Variants in TP63 observed in about 807,000 individuals in gnomAD.
TP63 encodes tumor protein p63.
Under a neutral mutation model 82.8 loss-of-function variants are expected in TP63, and 17 were observed. That is an observed-to-expected ratio of 0.21 (90% confidence interval 0.14 to 0.31). The LOEUF (loss-of-function observed/expected upper bound fraction) is 0.31. Among genes scored for constraint, TP63 ranks in the 10% least tolerant of loss-of-function variants. TP63 has a pLI of 1.00. For missense variants in TP63, 648 were observed against 895.3 expected (o/e 0.72, Z 3.52); for synonymous variants, 330 against 321.7 (o/e 1.03, Z -0.28).
At chr3:189,680,458 T>C (rs1486541641) in intron 1 of TP63, among the ~76,000 whole-genome samples, 10 of 152,156 alleles carry the variant, frequency 6.6e-5, no homozygotes, top group Admixed American at 3.9e-4. Flanking sequence ...ATTCCACTGA[T>C]ACTAAATCCG....
intron 1 of TP63, among the ~76,000 whole-genome samples, chr3:189,727,333 T>C (rs1429998360): frequency 6.6e-6 from 1 of 152,244 alleles, no homozygotes; most frequent in African/African-American, 2.4e-5. Flanking sequence ...TTGGATTATT[T>C]TCTGCATGAA....
At chr3:189,883,192 A>T (rs374185656) in intron 10 of TP63, among the ~76,000 whole-genome samples, 42 of 97,388 alleles carry the variant, frequency 4.3e-4, no homozygotes, top group African/African-American at 1.3e-3. Context: ...AATTTTTTTT[A>T]AAAAAGGTTG....
chr3:189,710,407 G>A (rs768338724), intron 1 of TP63, among the ~76,000 whole-genome samples: 4 of 151,980 alleles, frequency 2.6e-5, no homozygotes, highest in Non-Finnish European at 5.9e-5. Context: ...TTCCTGCTTT[G>A]GAAACATGTT....
At chr3:189,779,145 C>A (rs377186540) in intron 3 of TP63, among the ~76,000 whole-genome samples, 1 of 152,172 alleles carries the variant, frequency 6.6e-6, no homozygotes, top group East Asian at 1.9e-4. Context: ...TTTTAAGCAA[C>A]ATATATATTA....
chr3:189,889,211 G>A (rs1274051791), intron 11 of TP63, 129 bp from the exon 12 acceptor site: 1 of 1,334,336 alleles, frequency 7.5e-7, no homozygotes, highest in African/African-American at 1.4e-5. Context: ...GGTGTAGTGA[G>A]AGCGAAGATT....
intron 3 of TP63, among the ~76,000 whole-genome samples, chr3:189,768,988 AAACT>A (rs543628690): frequency 4.8e-4 from 73 of 152,290 alleles, no homozygotes; most frequent in Non-Finnish European, 7.1e-4. Context: ...CTCACGTCTA[AAACT>A]AACTATTTGT....
chr3:189,632,199 A>C (rs995248778), intron 1 of TP63, among the ~76,000 whole-genome samples: 2 of 152,152 alleles, frequency 1.3e-5, no homozygotes, highest in African/African-American at 2.4e-5. Context: ...CTATTTTTAA[A>C]CTGGTAAATG....
At chr3:189,661,372 A>G (rs1316387881) in intron 1 of TP63, among the ~76,000 whole-genome samples, 1 of 152,016 alleles carries the variant, frequency 6.6e-6, no homozygotes, top group Non-Finnish European at 1.5e-5. Context: ...GTTAAATCAC[A>G]TTTAATTGAT....
intron 4 of TP63, among the ~76,000 whole-genome samples, chr3:189,830,312 C>G (rs113148225): frequency 2.5e-4 from 38 of 152,058 alleles, no homozygotes; most frequent in Admixed American, 2.5e-3. Flanking sequence ...CAAAACAAAA[C>G]AAAACACATC....
chr3:189,717,469 A>G lies in TP63; in HGVS notation c.63-20271A>G, dbSNP rs149376578. 8.5e-5 allele frequency among the ~76,000 whole-genome samples: 13 copies of G among 152,338 alleles called. No homozygotes were observed. In the East Asian group the frequency reaches 2.5e-3, roughly 29 times the overall value. On this transcript the variant is annotated intron_variant, in intron 1 of 13. Transcript: ENST00000264731. Reference sequence around the variant, plus strand: ...AAGATTTGGGAAGCTGACTGCTTCCAGAAGCATCTGGATGGGATAAGAAAT... The same window carrying G: ...AAGATTTGGGAAGCTGACTGCTTCCGGAAGCATCTGGATGGGATAAGAAAT...
chr3:189,743,637 A>C (rs752816813), intron 3 of TP63, among the ~76,000 whole-genome samples: 51 of 152,340 alleles, frequency 3.3e-4, no homozygotes, highest in Admixed American at 5.9e-4. Context: ...AGTCTTCAAA[A>C]TGGTTGACTG....
chr3:189,842,682 C>G (rs1714308223), intron 4 of TP63, among the ~76,000 whole-genome samples: 1 of 152,198 alleles, frequency 6.6e-6, no homozygotes, highest in African/African-American at 2.4e-5. Context: ...CAGTTCAGTT[C>G]TCAGTTCCAC....
chr3:189,650,875 G>C (rs932824276), intron 1 of TP63, among the ~76,000 whole-genome samples: 5 of 146,994 alleles, frequency 3.4e-5, no homozygotes, highest in African/African-American at 1.3e-4. Context: ...AGGAAAATGG[G>C]AGAAAGTTTG....
chr3:189,779,844 A>G (rs1724092757), intron 3 of TP63, among the ~76,000 whole-genome samples: 1 of 152,206 alleles, frequency 6.6e-6, no homozygotes, highest in Admixed American at 6.5e-5. Context: ...ACATCTCCCA[A>G]GCAGAATGTG....
At chr3:189,862,354 C>A (rs879716217) in intron 4 of TP63, among the ~76,000 whole-genome samples, 1 of 152,038 alleles carries the variant, frequency 6.6e-6, no homozygotes, top group Non-Finnish European at 1.5e-5. Context: ...TTCCCACCCC[C>A]ATCCCCGAGA....
chr3:189,887,066 G>A (rs1720523634), intron 11 of TP63, among the ~76,000 whole-genome samples: 2 of 151,888 alleles, frequency 1.3e-5, no homozygotes, highest in African/African-American at 4.8e-5. Flanking sequence ...AAAGTTAGCT[G>A]AGCCTGGTGG....
chr3:189,768,558 T>C (rs1216056967), intron 3 of TP63, among the ~76,000 whole-genome samples: 4 of 152,156 alleles, frequency 2.6e-5, no homozygotes, highest in Non-Finnish European at 5.9e-5. Flanking sequence ...TAAGAAAATA[T>C]TTTAAAGTCA....
chr3:189,853,130 C>G (rs1715862405), intron 4 of TP63, among the ~76,000 whole-genome samples: 1 of 152,216 alleles, frequency 6.6e-6, no homozygotes, highest in African/African-American at 2.4e-5. Flanking sequence ...TACTGCTGGT[C>G]TAAGCCACTC....
At chr3:189,792,709 CTTTCTTT>C (rs1206457648) in intron 3 of TP63, among the ~76,000 whole-genome samples, 2 of 152,028 alleles carry the variant, frequency 1.3e-5, no homozygotes, top group Non-Finnish European at 2.9e-5. Flanking sequence ...TACTCAGCCA[CTTTCTTT>C]TTAATACCAA....
Sources: gnomAD v4.1 joint callset for allele counts (sites outside exome capture counted in the v4.1 genomes callset) on GRCh38, gnomAD v4.1.1 for gene constraint, MANE v1.5 for transcripts, NCBI Gene and HGNC (gene_info 2026-07-23, HGNC 2026-07-21) for gene names.